The following CDH23 variants were observed in gnomAD, a reference collection of about 807,000 sequenced individuals.
The protein encoded by CDH23 is cadherin related 23.
A neutral mutation model predicts 317.1 loss-of-function variants in CDH23; 189 were observed. The ratio of observed to expected loss-of-function variants is 0.60; its 90% CI spans 0.53 to 0.67. The LOEUF is 0.67. Ranked by LOEUF, CDH23 falls within the 30% of genes least tolerant of loss-of-function variation. CDH23 has a pLI of 0.00. For missense variants in CDH23, 4,401 were observed against 4,592.4 expected, an observed-to-expected ratio of 0.96 and a Z score of 1.20; for synonymous variants, 1,839 against 1,876.8, an observed-to-expected ratio of 0.98 and a Z score of 0.52.
rs1409501701 is a variant in CDH23 at position 71,811,349 on chromosome 10, C to A, written c.9112C>A (p.Leu3038Ile). The part of the protein sequence containing the change: ...IQMIDENKEQ[L>I]RNLFRNYNVL... ...GATGATCGATGAGAACAAGGAGCAG[C>A]TACGGAATCTTTTCCGGAACTACAA... Residue 3038 changes from leucine to isoleucine, a missense_variant, in exon 63 of 70, where the codon CTA becomes ATA. Physicochemically the swap from Leu to Ile is conservative, Grantham distance 5. Around this residue, in one of 3 missense-constraint regions of CDH23, gnomAD observed 1,144 missense variants for 1,138.2 expected, o/e 1.01. Coordinates refer to ENST00000224721, the MANE Select transcript of CDH23 (RefSeq NM_022124.6). 1.2e-6 allele frequency: 2 copies of A among 1,613,804 alleles called. No homozygotes were observed. The highest frequency in any genetic ancestry group is 1.3e-5 in the African/African-American group (1 of 74,892).
chr10:71,556,166 A>T (rs1306534930), intron 6 of CDH23, among the ~76,000 whole-genome samples: 1 of 152,122 alleles, frequency 6.6e-6, no homozygotes, highest in Non-Finnish European at 1.5e-5. Context: ...AAAGAGAGAA[A>T]GTTTGTTGAG....
At chr10:71,700,189 C>A (rs564072951) in intron 22 of CDH23, among the ~76,000 whole-genome samples, 1 of 152,230 alleles carries the variant, frequency 6.6e-6, no homozygotes, top group Admixed American at 6.5e-5. Flanking sequence ...GAGTTTGAGA[C>A]CAACCTGGCC....
At chr10:71,727,435 C>A (rs939478151) in intron 30 of CDH23, among the ~76,000 whole-genome samples, 1 of 152,242 alleles carries the variant, frequency 6.6e-6, no homozygotes, top group Non-Finnish European at 1.5e-5. Flanking sequence ...ACAGCCTCCA[C>A]ACCCATGAGA....
At chr10:71,411,561 C>T (rs940598886) in intron 1 of CDH23, among the ~76,000 whole-genome samples, 1 of 151,830 alleles carries the variant, frequency 6.6e-6, no homozygotes, top group Non-Finnish European at 1.5e-5. Flanking sequence ...TAAATAATAA[C>T]AGTTTTATAT....
At chr10:71,448,007 G>A (rs1424498135) in intron 3 of CDH23, among the ~76,000 whole-genome samples, 1 of 152,206 alleles carries the variant, frequency 6.6e-6, no homozygotes, top group Non-Finnish European at 1.5e-5. Flanking sequence ...CCTTTGTGGT[G>A]GAGGGATATA....
At chr10:71,738,238 C>T (rs992277105) in intron 34 of CDH23, among the ~76,000 whole-genome samples, 2 of 152,198 alleles carry the variant, frequency 1.3e-5, no homozygotes, top group South Asian at 2.1e-4. Flanking sequence ...TGACAGTCTC[C>T]CCACCAGGCC....
chr10:71,732,496 G>T, intron 32 of CDH23, 121 bp downstream of exon 32: 1 of 1,433,406 alleles, frequency 7.0e-7, no homozygotes, highest in East Asian at 2.5e-5. Flanking sequence ...GCCAAGTGTG[G>T]TGTTAGGTAC....
chr10:71,533,525 C>CCACACACACACACACACACACACACACA (rs55659529), intron 6 of CDH23, among the ~76,000 whole-genome samples: 2 of 130,752 alleles, frequency 1.5e-5, no homozygotes, highest in East Asian at 4.5e-4. Flanking sequence ...TGGCTGGACA[C>CCACACACACACACACACACACACACACA]CACACACACA....
chr10:71,553,182 T>C (rs1439413625), intron 6 of CDH23, among the ~76,000 whole-genome samples: 2 of 152,140 alleles, frequency 1.3e-5, no homozygotes, highest in South Asian at 2.1e-4. Flanking sequence ...GGAATAGACA[T>C]TGGAATAGGA....
In CDH23 at chr10:71,812,616, C is replaced by T; in HGVS notation, c.9510+7C>T. On this transcript the variant is annotated splice_region_variant and intron_variant, in intron 67 of 69. Transcript: ENST00000224721. ...CAGCCCCACGCGCACCCATGTGAGC[C>T]AGAGGCGGTCAGGCATCACAAGGGG... The T allele has an allele frequency of 6.2e-7, 1 of 1,613,594 alleles. No individual in the cohort carries two copies. Among genetic ancestry groups the T allele is most frequent in the Non-Finnish European group, 8.5e-7 (1 of 1,179,888 alleles).
intron 30 of CDH23, among the ~76,000 whole-genome samples, 183 bp from the exon 31 acceptor site, chr10:71,730,286 C>A (rs77692593): frequency 3.3e-5 from 5 of 152,234 alleles, no homozygotes; most frequent in Non-Finnish European, 5.9e-5. Context: ...GCACCTGCCA[C>A]GCGCCAGGTG....
chr10:71,604,223 A>C (rs1487058434), intron 9 of CDH23, among the ~76,000 whole-genome samples: 9 of 152,190 alleles, frequency 5.9e-5, no homozygotes, highest in Admixed American at 2.6e-4. Flanking sequence ...TTGAGGCTGC[A>C]ATGAGCTGAT....
At chr10:71,656,510 C>G (rs1308890233) in intron 14 of CDH23, among the ~76,000 whole-genome samples, 2 of 152,172 alleles carry the variant, frequency 1.3e-5, no homozygotes, top group Non-Finnish European at 2.9e-5. Flanking sequence ...CCTGTCTGTT[C>G]CAGGGGCAGG....
intron 6 of CDH23, among the ~76,000 whole-genome samples, chr10:71,523,020 A>G (rs921526236): frequency 3.9e-5 from 6 of 152,128 alleles, no homozygotes; most frequent in African/African-American, 9.7e-5. Context: ...AGCAAGCCCA[A>G]ATGCATTTAA....
Position 71,709,163 on chromosome 10 carries a change from C to G in CDH23, c.3172C>G (p.Leu1058Val), listed in dbSNP as rs748462315. The G allele has an allele frequency of 3.1e-5, 50 of 1,613,882 alleles. No homozygotes were observed. In the Admixed American group the frequency reaches 8.2e-4, roughly 26 times the overall value. Residue 1058 changes from leucine (L) to valine (V), a missense_variant, in exon 27 of 70, where the codon CTG becomes GTG. Transcript: ENST00000224721. ...RDAVVRTVVGLDRETTAAYML... is the reference protein window; with the variant it reads ...RDAVVRTVVGVDRETTAAYML... ...TGCCGTTGTGAGAACCGTGGTGGGC[C>G]TGGACCGGGAGACCACAGCCGCCTA...
At chr10:71,499,578 G>A (rs1347896985) in intron 3 of CDH23, among the ~76,000 whole-genome samples, 3 of 143,512 alleles carry the variant, frequency 2.1e-5, no homozygotes, top group Non-Finnish European at 4.5e-5. Flanking sequence ...CGTGGCTCAC[G>A]CCTGTAATCC....
rs1190880939 is a variant in CDH23, at chr10:71,577,717, G to A, written c.754-197G>A. 2.6e-5 allele frequency among the ~76,000 whole-genome samples: 4 copies of A among 152,198 alleles called. No homozygotes were observed. In the East Asian group the frequency reaches 5.8e-4, roughly 22 times the overall value. On this transcript the variant is annotated intron_variant, in intron 8 of 69. Coordinates refer to ENST00000224721, the MANE Select transcript of CDH23 (RefSeq NM_022124.6). ...AACATCGGTAAGGTTTGGCCTCCCC[G>A]TGGACCCTAGGGTGTTTGCCTGGGA...
intron 32 of CDH23, among the ~76,000 whole-genome samples, chr10:71,733,997 C>G (rs1839475739): frequency 6.6e-6 from 1 of 152,208 alleles, no homozygotes; most frequent in African/African-American, 2.4e-5. Context: ...AGAACTACAA[C>G]AGAGGGGTAG....
chr10:71,431,764 G>T (rs1849381933), intron 1 of CDH23, among the ~76,000 whole-genome samples: 1 of 152,054 alleles, frequency 6.6e-6, no homozygotes, highest in African/African-American at 2.4e-5. Flanking sequence ...ATTCTCTCAT[G>T]TCCCCCCCTG....
Sources: allele counts gnomAD v4.1 joint callset (sites outside exome capture counted in the v4.1 genomes callset), GRCh38; gene constraint gnomAD v4.1.1; regional missense constraint gnomAD v4.1.1; transcripts MANE v1.5; gene names NCBI Gene and HGNC (gene_info 2026-07-23, HGNC 2026-07-21).